The following DIAPH2 variants were observed in gnomAD, a reference collection of about 807,000 sequenced individuals.
DIAPH2 encodes protein diaphanous homolog 2.
In DIAPH2, 35 loss-of-function variants were observed where a neutral mutation model predicts 92.7. The ratio of observed to expected loss-of-function variants is 0.38; its 90% confidence interval spans 0.29 to 0.50. The LOEUF is 0.50. Ranked by LOEUF, DIAPH2 falls within the 20% of genes least tolerant of loss-of-function variation. DIAPH2 has a pLI of 0.94. For synonymous variants in DIAPH2, 301 were observed against 280.4 expected (o/e 1.07, Z -0.73); for missense variants, 701 against 819.5 (o/e 0.86, Z 1.77).
chrX:96,918,121 T>A (rs1312336350), intron 8 of DIAPH2, among the ~76,000 whole-genome samples: 1 of 111,103 alleles, frequency 9.0e-6, no homozygotes, highest in Non-Finnish European at 1.9e-5. Context: ...AGGAACACAA[T>A]TCCTATATTG....
At chrX:97,165,208 A>G (rs1269216419) in intron 22 of DIAPH2, among the ~76,000 whole-genome samples, 1 of 111,054 alleles carries the variant, frequency 9.0e-6, no homozygotes, top group Admixed American at 9.6e-5. Flanking sequence ...ATAATACTAT[A>G]TGGTGGGTGC....
chrX:96,711,061 AAC>A (rs1247560316), intron 1 of DIAPH2, among the ~76,000 whole-genome samples: 2 of 112,285 alleles, frequency 1.8e-5, no homozygotes, highest in Non-Finnish European at 3.8e-5. Flanking sequence ...TTGTATACAT[AAC>A]ACATTTGCTT....
intron 23 of DIAPH2, among the ~76,000 whole-genome samples, chrX:97,300,725 G>A (rs1200818275): frequency 2.1e-5 from 2 of 93,468 alleles, no homozygotes; most frequent in Non-Finnish European, 4.3e-5. Flanking sequence ...AAGGTCAGGA[G>A]ATTGAGACCA....
At chrX:97,198,438 A>G (rs1329345581) in intron 22 of DIAPH2, among the ~76,000 whole-genome samples, 1 of 110,913 alleles carries the variant, frequency 9.0e-6, no homozygotes, top group Non-Finnish European at 1.9e-5. Flanking sequence ...TTTTCTATGA[A>G]AACTTACGAA....
chrX:97,422,236 A>G (rs2147770644), intron 25 of DIAPH2, among the ~76,000 whole-genome samples: 1 of 110,998 alleles, frequency 9.0e-6, no homozygotes, highest in African/African-American at 3.3e-5. Context: ...ATGTATGTGC[A>G]CTAGGAGTTC....
At chrX:97,211,856 A>G (rs759679406) in intron 22 of DIAPH2, among the ~76,000 whole-genome samples, 1 of 111,971 alleles carries the variant, frequency 8.9e-6, no homozygotes, top group South Asian at 3.7e-4. Flanking sequence ...TCACTTTGTT[A>G]ACTGCCAGTT....
chrX:97,571,419 C>T (rs994958527), intron 26 of DIAPH2, among the ~76,000 whole-genome samples: 51 of 111,114 alleles, frequency 4.6e-4, no homozygotes, highest in African/African-American at 1.6e-3. Flanking sequence ...GGATTGTCAC[C>T]GTTATTGTAT....
At chrX:97,260,352 A>G (rs1273419439) in intron 23 of DIAPH2, among the ~76,000 whole-genome samples, 3 of 112,417 alleles carry the variant, frequency 2.7e-5, no homozygotes, top group African/African-American at 9.7e-5. Flanking sequence ...TAAGGAAGAG[A>G]TTTATAATGC....
chrX:97,496,739 T>C (rs1294647175), intron 26 of DIAPH2, among the ~76,000 whole-genome samples: 1 of 102,202 alleles, frequency 9.8e-6, no homozygotes, highest in Non-Finnish European at 2.0e-5. Context: ...TGTCTCACCA[T>C]GTTGGCCAGG....
At chrX:96,873,250 T>C (rs1226337890) in intron 4 of DIAPH2, among the ~76,000 whole-genome samples, 2 of 111,809 alleles carry the variant, frequency 1.8e-5, no homozygotes, top group African/African-American at 6.5e-5. Context: ...TCTACTGAGA[T>C]CTTTTGTCCA....
chrX:97,475,119 G>A (rs1000271899), intron 26 of DIAPH2, among the ~76,000 whole-genome samples: 3 of 111,798 alleles, frequency 2.7e-5, no homozygotes, highest in Non-Finnish European at 3.8e-5. Context: ...CATAATCCTG[G>A]CTGCTGCCTT....
At chrX:97,185,425 A>ATATATATG (rs2067584283) in intron 22 of DIAPH2, among the ~76,000 whole-genome samples, 3 of 32,689 alleles carry the variant, frequency 9.2e-5, no homozygotes, top group Non-Finnish European at 1.5e-4. Context: ...ATATATATGT[A>ATATATATG]TATATATATG....
chrX:96,903,332 G>A (rs2065411801), intron 5 of DIAPH2, among the ~76,000 whole-genome samples: 1 of 111,488 alleles, frequency 9.0e-6, no homozygotes, highest in South Asian at 3.8e-4. Context: ...CAGGGCTTAT[G>A]GATTGGGAAT....
chrX:96,969,332 T>G (rs1380947972), intron 17 of DIAPH2, among the ~76,000 whole-genome samples: 3 of 111,854 alleles, frequency 2.7e-5, no homozygotes. Context: ...TATGACCTTT[T>G]TAATGATATT....
intron 1 of DIAPH2, among the ~76,000 whole-genome samples, chrX:96,732,580 T>G (rs1283681214): frequency 1.8e-5 from 2 of 112,083 alleles, no homozygotes; most frequent in Non-Finnish European, 3.8e-5. Context: ...AGGAGTGGGG[T>G]GTTTTTCTTT....
chrX:97,439,622 C>T (rs2070232409), intron 26 of DIAPH2, among the ~76,000 whole-genome samples: 1 of 109,272 alleles, frequency 9.2e-6, no homozygotes, highest in African/African-American at 3.3e-5. Flanking sequence ...TGGTACACAC[C>T]TGTAGTCCGA....
intron 17 of DIAPH2, among the ~76,000 whole-genome samples, chrX:97,046,024 A>T (rs2066481555): frequency 9.3e-6 from 1 of 107,233 alleles, no homozygotes; most frequent in Non-Finnish European, 1.9e-5. Context: ...TCCTGGCTAA[A>T]TTTTGTATTT....
chrX:97,072,857 T>C, intron 17 of DIAPH2, 84 bp from the exon 18 acceptor site: 2 of 509,695 alleles, frequency 3.9e-6, no homozygotes, highest in East Asian at 3.9e-5. Context: ...GCTTTATTAA[T>C]GTAGTTAATA....
In DIAPH2 at chrX:96,738,668, C is replaced by G; in HGVS notation, c.248C>G (p.Ala83Gly). Reference sequence around the variant, plus strand: ...CAACATCCTATTGATTCTCAAGTCGCGATGAGTGAGTTTCCTGCAGCTCAG... The same window carrying G: ...CAACATCCTATTGATTCTCAAGTCGGGATGAGTGAGTTTCCTGCAGCTCAG... ...LIQHPIDSQV[A>G]MSEFPAAQPL... Residue 83 changes from alanine to glycine, a missense_variant, in exon 3 of 27, where the codon GCG becomes GGG. Around this residue, in one of 3 missense-constraint regions of DIAPH2, gnomAD observed 131 missense variants for 145.6 expected, o/e 0.90. Coordinates refer to ENST00000324765, the MANE Select transcript of DIAPH2 (RefSeq NM_006729.5). 8.3e-7 allele frequency: 1 copy of G among 1,207,245 alleles called. No homozygotes were observed. Among genetic ancestry groups the G allele is most frequent in the South Asian group, 1.8e-5 (1 of 56,413 alleles).
Sources: allele counts gnomAD v4.1 joint callset (sites outside exome capture counted in the v4.1 genomes callset), GRCh38; gene constraint gnomAD v4.1.1; regional missense constraint gnomAD v4.1.1; transcripts MANE v1.5; gene names NCBI Gene and HGNC (gene_info 2026-07-23, HGNC 2026-07-21).